The following ACSBG1 variants were observed in gnomAD, a reference collection of about 807,000 sequenced individuals.
ACSBG1 encodes acyl-CoA synthetase bubblegum family member 1, also known as long-chain-fatty-acid--CoA ligase ACSBG1.
In ACSBG1, 39 loss-of-function variants were observed where a neutral mutation model predicts 80.2. The observed-to-expected ratio is 0.49, with a 90% CI of 0.38 to 0.64. ACSBG1 has a LOEUF of 0.64. ACSBG1 is among the 30% of genes least tolerant of loss of function. The pLI is 0.00. For missense variants in ACSBG1, 828 were observed against 966.4 expected, an observed-to-expected ratio of 0.86 and a Z score of 1.90; for synonymous variants, 392 against 379.5, an observed-to-expected ratio of 1.03 and a Z score of -0.38.
chr15:78,233,466 GC>G (rs2075465953), intron 1 of ACSBG1, among the ~76,000 whole-genome samples: 1 of 152,038 alleles, frequency 6.6e-6, no homozygotes, highest in Non-Finnish European at 1.5e-5. Flanking sequence ...CTGGTATTTA[GC>G]CCCTGTCCTC....
At chr15:78,185,682 A>C (rs1338269575) in intron 5 of ACSBG1, among the ~76,000 whole-genome samples, 1 of 152,180 alleles carries the variant, frequency 6.6e-6, no homozygotes, top group Non-Finnish European at 1.5e-5. Flanking sequence ...AATAAACACA[A>C]AGAAAACCAC....
intron 2 of ACSBG1, among the ~76,000 whole-genome samples, chr15:78,204,608 C>T (rs563938656): frequency 1.3e-5 from 2 of 152,320 alleles, no homozygotes; most frequent in East Asian, 1.9e-4. Flanking sequence ...CTGGCAGGGC[C>T]GGGATTACCT....
intron 1 of ACSBG1, among the ~76,000 whole-genome samples, chr15:78,219,673 TA>T (rs1297897888): frequency 8.8e-6 from 1 of 113,320 alleles, no homozygotes; most frequent in African/African-American, 3.5e-5. Context: ...AAGCTAGTCC[TA>T]AAATTTGTAT....
intron 1 of ACSBG1, among the ~76,000 whole-genome samples, chr15:78,229,146 T>G (rs1291700880): frequency 1.3e-5 from 2 of 152,226 alleles, no homozygotes; most frequent in Non-Finnish European, 2.9e-5. Flanking sequence ...TGTTAATGTC[T>G]GTCTCCCCTG....
intron 1 of ACSBG1, among the ~76,000 whole-genome samples, chr15:78,228,261 A>G (rs1394170811): frequency 6.6e-6 from 1 of 152,026 alleles, no homozygotes; most frequent in African/African-American, 2.4e-5. Flanking sequence ...CTCTCACAGG[A>G]CCCAGTGTGA....
intron 1 of ACSBG1, among the ~76,000 whole-genome samples, chr15:78,232,957 A>G (rs2075459845): frequency 6.6e-6 from 1 of 152,168 alleles, no homozygotes; most frequent in African/African-American, 2.4e-5. Flanking sequence ...CTGGGATTAC[A>G]GGCATGAGCC....
At chr15:78,197,508 C>T (rs922701015) in intron 2 of ACSBG1, among the ~76,000 whole-genome samples, 45 of 151,890 alleles carry the variant, frequency 3.0e-4, no homozygotes, top group Non-Finnish European at 1.9e-4. Flanking sequence ...CACTTGAGGC[C>T]GGGAGTTAAA....
intron 11 of ACSBG1, among the ~76,000 whole-genome samples, chr15:78,176,559 GTGATATTATTTAAAATACC>G (rs1403618220): frequency 6.6e-6 from 1 of 152,068 alleles, no homozygotes; most frequent in African/African-American, 2.4e-5. Context: ...AAAATTTTAA[GTGATATTATTTAAAATACC>G]TTAAAAAATT....
chr15:78,173,384 A>G (rs1426077256), intron 13 of ACSBG1, among the ~76,000 whole-genome samples: 4 of 148,064 alleles, frequency 2.7e-5, no homozygotes, highest in African/African-American at 5.0e-5. Flanking sequence ...GTTCTAGCAC[A>G]TATCTTATAC....
Position 78,178,888 on chromosome 15 carries a change from ACTGGGGAGCCGG to A in ACSBG1, c.1485-69_1485-58del. On this transcript the variant is annotated intron_variant, in intron 10 of 13. Coordinates refer to ENST00000258873, the MANE Select transcript of ACSBG1 (RefSeq NM_015162.5). This position sits in a 1 kb window ranked among gnomAD's most constrained non-coding sequence, Gnocchi z 4.3. ...AGGGAGCCGTCTCCTCCAAGCCCCC[ACTGGGGAGCCGG>A]GGTCCCAACTGCTCGGTCTTCACTG... The A allele has an allele frequency of 6.6e-7, 1 of 1,524,070 alleles. No homozygotes were observed. Among genetic ancestry groups the A allele is most frequent in the Non-Finnish European group, 8.8e-7 (1 of 1,136,266 alleles). 94.4% of individuals were successfully genotyped at this position (1,524,070 alleles called of 1,614,324 possible).
At chr15:78,185,156 T>A (rs1317258216) in intron 5 of ACSBG1, among the ~76,000 whole-genome samples, 1 of 151,936 alleles carries the variant, frequency 6.6e-6, no homozygotes, top group Non-Finnish European at 1.5e-5. Context: ...GCGGCTAGAA[T>A]TTGTGAGATA....
rs538965811 is a variant in ACSBG1 at position 78,207,880 on chromosome 15, A to T, written c.232+122T>A. Reference sequence around the variant, plus strand: ...TCCCTGGGAGCGTGGAACCAGCAAGATCCCCAGCTGCTCCTTCCCGCAGTT... The same window carrying T: ...TCCCTGGGAGCGTGGAACCAGCAAGTTCCCCAGCTGCTCCTTCCCGCAGTT... On this transcript the variant is annotated intron_variant, in intron 2 of 13. Coordinates refer to ENST00000258873, the MANE Select transcript of ACSBG1 (RefSeq NM_015162.5). 38 of 766,864 alleles carry T rather than the reference A, an allele frequency of 5.0e-5. No homozygotes were observed. The South Asian group carries it at 6.0e-4, about 12-fold the overall frequency. 47.5% of individuals were successfully genotyped at this position (766,864 alleles called of 1,614,324 possible).
chr15:78,179,335 G>A (rs1262460312), intron 10 of ACSBG1, among the ~76,000 whole-genome samples: 1 of 152,222 alleles, frequency 6.6e-6, no homozygotes, highest in African/African-American at 2.4e-5. Context: ...TCACGACACG[G>A]TGGCAGAGGC....
At chr15:78,231,058 A>T (rs1463153700) in intron 1 of ACSBG1, among the ~76,000 whole-genome samples, 1 of 152,016 alleles carries the variant, frequency 6.6e-6, no homozygotes, top group Non-Finnish European at 1.5e-5. Context: ...GGCTCAATTG[A>T]TTTTCCCACG....
chr15:78,192,515 C>G (rs2075065267), intron 5 of ACSBG1, among the ~76,000 whole-genome samples: 1 of 152,212 alleles, frequency 6.6e-6, no homozygotes, highest in South Asian at 2.1e-4. Flanking sequence ...TATTTTCAAA[C>G]TCACTCTGAT....
At chr15:78,174,970 T>A (rs1657675171) in intron 11 of ACSBG1, among the ~76,000 whole-genome samples, 2 of 152,246 alleles carry the variant, frequency 1.3e-5, no homozygotes, top group Admixed American at 1.3e-4. Flanking sequence ...CAGACACTCT[T>A]ATTGTTTTGC....
intron 5 of ACSBG1, among the ~76,000 whole-genome samples, chr15:78,192,195 C>T (rs1372058615): frequency 6.6e-6 from 1 of 152,084 alleles, no homozygotes; most frequent in South Asian, 2.1e-4. Flanking sequence ...TTTCCAGCAG[C>T]CTTGGCAAAT....
intron 2 of ACSBG1, among the ~76,000 whole-genome samples, chr15:78,207,121 G>A (rs1002733416): frequency 6.6e-6 from 1 of 152,222 alleles, no homozygotes; most frequent in Non-Finnish European, 1.5e-5. Flanking sequence ...ATGAACGTGG[G>A]AGGCTCCCGG....
chr15:78,182,174 G>GT, intron 7 of ACSBG1, 29 bp from the exon 8 acceptor site: 12 of 1,598,880 alleles, frequency 7.5e-6, no homozygotes, highest in Non-Finnish European at 1.0e-5. Context: ...GATCCCAGCA[G>GT]TGTCCACAAG....
Sources: allele counts gnomAD v4.1 joint callset (sites outside exome capture counted in the v4.1 genomes callset), GRCh38; gene constraint gnomAD v4.1.1; non-coding constraint Gnocchi (gnomAD v3.1); transcripts MANE v1.5; gene names NCBI Gene and HGNC (gene_info 2026-07-23, HGNC 2026-07-21).